The following WDR35 variants were observed in gnomAD, a reference collection of about 807,000 sequenced individuals.
The protein encoded by WDR35 is WD repeat domain 35.
WDR35 carries 118 observed loss-of-function variants against 158.3 expected under a neutral mutation model. The observed-to-expected ratio is 0.75, with a 90% CI of 0.64 to 0.87. The LOEUF is 0.87. Among genes scored for constraint, WDR35 ranks in the 40% least tolerant of loss-of-function variants. The probability of loss-of-function intolerance (pLI) is 0.00; values close to 1 mark genes in which losing one functional copy is unlikely to be tolerated. For synonymous variants in WDR35, 448 were observed against 476.1 expected (o/e 0.94, Z 0.77); for missense variants, 1,263 against 1,405.8 (o/e 0.90, Z 1.62).
rs115222620 is a variant in WDR35, at chr2:19,940,802, T to C, written c.1926+957A>G. The stretch of plus-strand genomic sequence containing the variant: ...AACAACAAAAACACCCTCAAGCCAG[T>C]CTCCTTTCCCTGTGCTGTCCAGCCA... On this transcript the variant is annotated intron_variant, in intron 17 of 26. Transcript: ENST00000281405. Among the ~76,000 whole-genome samples the C allele has an allele frequency of 3.1e-3, 473 of 152,250 alleles. 4 individuals are homozygous for C. The highest frequency in any genetic ancestry group is 0.014 in the Middle Eastern group (4 of 294).
intron 14 of WDR35, among the ~76,000 whole-genome samples, 160 bp downstream of exon 14, chr2:19,948,004 A>G (rs1010826630): frequency 4.6e-5 from 7 of 151,876 alleles, no homozygotes; most frequent in African/African-American, 1.5e-4. Flanking sequence ...AGGTTTCACT[A>G]TGTTCTCAGT....
Position 19,946,039 on chromosome 2 carries a change from T to C in WDR35, c.1635-43A>G, listed in dbSNP as rs1029286332. On this transcript the variant is annotated intron_variant, in intron 15 of 26. Transcript: ENST00000281405. ...AGAGAAAAGGAAAAAACTATAAAAT[T>C]ACTATCAGCAATCATGAGAATAATT... 7 of 1,575,718 alleles carry C rather than the reference T, an allele frequency of 4.4e-6. No individual in the cohort carries two copies. The Admixed American group carries it at 5.0e-5, about 11-fold the overall frequency.
intron 10 of WDR35, among the ~76,000 whole-genome samples, chr2:19,964,563 T>C (rs1040484914): frequency 4.6e-5 from 7 of 151,812 alleles, no homozygotes; most frequent in Non-Finnish European, 5.9e-5. Flanking sequence ...TTTTCTATTT[T>C]AGTAGAGACA....
At chr2:19,973,322 TTTC>T (rs1672085952) in intron 8 of WDR35, among the ~76,000 whole-genome samples, 1 of 152,154 alleles carries the variant, frequency 6.6e-6, no homozygotes, top group South Asian at 2.1e-4. Context: ...TCCATGGTGA[TTTC>T]TTATGTTAAA....
chr2:19,976,485 T>C (rs1444724434), intron 5 of WDR35, among the ~76,000 whole-genome samples: 1 of 152,120 alleles, frequency 6.6e-6, no homozygotes, highest in Non-Finnish European at 1.5e-5. Context: ...ATATTCAATA[T>C]ATCCATATAA....
At chr2:19,982,652 T>A (rs1257020324) in intron 2 of WDR35, 118 bp from the exon 3 acceptor site, 3 of 1,051,930 alleles carry the variant, frequency 2.9e-6, no homozygotes, top group African/African-American at 3.2e-5. Context: ...TGCCCCATTC[T>A]GATATATTTT....
chr2:19,980,548 G>T, intron 4 of WDR35, 143 bp downstream of exon 4: 1 of 684,062 alleles, frequency 1.5e-6, no homozygotes, highest in South Asian at 2.0e-5. Flanking sequence ...AATAAATCCA[G>T]AAATATTATC....
rs763828608 is a variant in WDR35 at position 19,978,815 on chromosome 2, A to G, written c.372T>C (p.Asn124=). The G allele has an allele frequency of 1.9e-6, 3 of 1,613,938 alleles. No individual in the cohort carries two copies. Among genetic ancestry groups the G allele is most frequent in the South Asian group, 1.1e-5 (1 of 91,082 alleles). ...NKSVVRSMSW[N]ADGQKICIVY... ...CAATGCAGATCTTCTGTCCGTCAGCATTCCAGCTCATACTGCGAACAACTG... is the reference window on the plus strand; with the variant it reads ...CAATGCAGATCTTCTGTCCGTCAGCGTTCCAGCTCATACTGCGAACAACTG... The change falls in exon 5 of 27, where the codon AAT becomes AAC. Residue 124 remains asparagine (N), a synonymous_variant. Transcript: ENST00000281405.
rs137886895 is a variant in WDR35 at position 19,963,223 on chromosome 2, T to C, written c.1195-2609A>G. Among the ~76,000 whole-genome samples the C allele has an allele frequency of 4.1e-3, 628 of 152,336 alleles. 2 individuals carry two copies. Among genetic ancestry groups the C allele is most frequent in the African/African-American group, 0.014 (600 of 41,580 alleles). On this transcript the variant is annotated intron_variant, in intron 10 of 26. Coordinates refer to ENST00000281405, the MANE Select transcript of WDR35 (RefSeq NM_020779.4). ...CAGAATTTAGGGTTCAGTATGTTTATTATACTTCAATTAAAAGGTGTTTTA... is the reference window on the plus strand; with the variant it reads ...CAGAATTTAGGGTTCAGTATGTTTACTATACTTCAATTAAAAGGTGTTTTA...
intron 11 of WDR35, among the ~76,000 whole-genome samples, chr2:19,960,067 C>G (rs1045413250): frequency 6.6e-6 from 1 of 151,990 alleles, no homozygotes; most frequent in African/African-American, 2.4e-5. Context: ...TATTAATAGA[C>G]TCATTTCATT....
rs1025517338 is a variant in WDR35, at chr2:19,974,365, T to C, written c.736+103A>G. 26 of 1,198,726 alleles carry C rather than the reference T, an allele frequency of 2.2e-5. No individual in the cohort carries two copies. In the African/African-American group the frequency reaches 4.1e-4, roughly 19 times the overall value. The allele number at this position is 1,198,726 out of a possible 1,614,324, so 74.3% of individuals were successfully genotyped here. ...CAGAAGTTGCCGTGAGCCAAGATCG[T>C]GCCACTGCACTCCAGCCTGGGCGAC... On this transcript the variant is annotated intron_variant, in intron 7 of 26. Transcript: ENST00000281405.
chr2:19,961,641 A>G (rs1671663055), intron 10 of WDR35, among the ~76,000 whole-genome samples: 1 of 152,214 alleles, frequency 6.6e-6, no homozygotes, highest in Non-Finnish European at 1.5e-5. Flanking sequence ...AAGTGGTGGA[A>G]GTGGTCCAGT....
chr2:19,913,615 A>C lies in WDR35; in HGVS notation c.3456T>G (p.Leu1152=). ...AGCTGTAGTGGCTTATTTCCTGAGC[A>C]AGGACACCGTGTTTGCATACACTGC... ...WMCSVCKHGV[L]AQEISHYSFC... The change falls in exon 27 of 27, where the codon CTT becomes CTG. Residue 1152 remains leucine, a synonymous_variant. Coordinates refer to ENST00000281405, the MANE Select transcript of WDR35 (RefSeq NM_020779.4). 1 of 1,614,120 alleles carries C rather than the reference A, an allele frequency of 6.2e-7. No homozygotes were observed. The highest frequency in any genetic ancestry group is 8.5e-7 in the Non-Finnish European group (1 of 1,179,980).
chr2:19,932,912 C>T (rs368927868), intron 22 of WDR35, among the ~76,000 whole-genome samples: 172 of 151,998 alleles, frequency 1.1e-3, no homozygotes, highest in African/African-American at 3.6e-3. Flanking sequence ...TCTATAATAA[C>T]GCTGTACTTT....
intron 16 of WDR35, among the ~76,000 whole-genome samples, chr2:19,943,424 T>C (rs1670938824): frequency 6.6e-6 from 1 of 152,148 alleles, no homozygotes; most frequent in South Asian, 2.1e-4. Context: ...AGCATTAGCA[T>C]GAACCATAGC....
chr2:19,942,425 T>C (rs1041386027), intron 16 of WDR35, among the ~76,000 whole-genome samples: 1 of 152,198 alleles, frequency 6.6e-6, no homozygotes, highest in African/African-American at 2.4e-5. Flanking sequence ...TGTAAGTGCA[T>C]GAGACTGTTA....
chr2:19,971,227 C>A (rs750735873), intron 8 of WDR35, among the ~76,000 whole-genome samples: 1 of 152,096 alleles, frequency 6.6e-6, no homozygotes, highest in South Asian at 2.1e-4. Context: ...TAAGCAGATA[C>A]CCTCTAGGGT....
chr2:19,919,678 G>C (rs1482878081), intron 25 of WDR35, among the ~76,000 whole-genome samples: 1 of 152,086 alleles, frequency 6.6e-6, no homozygotes, highest in African/African-American at 2.4e-5. Context: ...AAAAGAACTA[G>C]AGAAGCAAGA....
At position 19,941,803 on chromosome 2, in the gene WDR35, C is replaced by A; in HGVS notation, c.1882G>T (p.Glu628Ter). 6.4e-7 allele frequency: 1 copy of A among 1,573,872 alleles called. No individual in the cohort carries two copies. Among genetic ancestry groups the A allele is most frequent in the Non-Finnish European group, 8.7e-7 (1 of 1,152,114 alleles). ...AGAACAGATTTAATTTCTAAATCCT[C>A]AAAATTACAAATATATCCAGAGGTC... ...IQTSGYICNFEDLEIKSVLLD... is the reference protein window; with the variant it reads ...IQTSGYICNF The change falls in exon 17 of 27, where the codon GAG (glutamate) becomes TAG (stop). Residue 628 changes from glutamate (E) to a stop codon, truncating the protein, a stop_gained. Coordinates refer to ENST00000281405, the MANE Select transcript of WDR35 (RefSeq NM_020779.4). LOFTEE classifies it high-confidence loss of function.
Sources: gnomAD v4.1 joint callset for allele counts (sites outside exome capture counted in the v4.1 genomes callset) on GRCh38, gnomAD v4.1.1 for gene constraint, MANE v1.5 for transcripts, NCBI Gene and HGNC (gene_info 2026-07-23, HGNC 2026-07-21) for gene names.